Variants in WIPF3 observed in about 807,000 individuals in gnomAD.
WIPF3 encodes the protein WAS/WASL interacting protein family member 3.
Under a neutral mutation model 38.9 loss-of-function variants are expected in WIPF3, and 33 were observed. The ratio of observed to expected loss-of-function variants is 0.85; its 90% confidence interval spans 0.64 to 1.14. The LOEUF (loss-of-function observed/expected upper bound fraction) is 1.14, where lower values mean the gene tolerates loss of function less well. Ranked by LOEUF, WIPF3 falls within the 50% of genes most tolerant of loss-of-function variation. The pLI is 0.00. For missense variants in WIPF3, 711 were observed against 652.5 expected (o/e 1.09, Z -0.98); for synonymous variants, 324 against 269.3 (o/e 1.20, Z -1.99).
At chr7:29,855,043 G>A (rs920360980) in intron 2 of WIPF3, among the ~76,000 whole-genome samples, 4 of 152,212 alleles carry the variant, frequency 2.6e-5, no homozygotes, top group African/African-American at 9.7e-5. Flanking sequence ...AATGCACAAT[G>A]TCTTTCTTAG....
At chr7:29,913,717 T>C (rs556202151) in intron 8 of WIPF3, among the ~76,000 whole-genome samples, 3 of 152,250 alleles carry the variant, frequency 2.0e-5, no homozygotes, top group Non-Finnish European at 2.9e-5. Flanking sequence ...AACTTGCCCA[T>C]GTCACAATGC....
chr7:29,810,547 TTG>T (rs1784356676), intron 1 of WIPF3, among the ~76,000 whole-genome samples: 1 of 152,334 alleles, frequency 6.6e-6, no homozygotes, highest in East Asian at 1.9e-4. Context: ...CAATTATTTG[TTG>T]TGTTTTATCT....
chr7:29,899,113 C>G (rs1351428976), intron 7 of WIPF3, among the ~76,000 whole-genome samples: 5 of 152,200 alleles, frequency 3.3e-5, no homozygotes, highest in Non-Finnish European at 5.9e-5. Context: ...TGGTGCCACA[C>G]AAGCTTCCTG....
chr7:29,812,683 A>G (rs1453929604), intron 1 of WIPF3, among the ~76,000 whole-genome samples: 1 of 152,210 alleles, frequency 6.6e-6, no homozygotes, highest in East Asian at 1.9e-4. Flanking sequence ...AAATATTTTT[A>G]GCTGGGTAAA....
rs574445444 is a variant in WIPF3, at chr7:29,906,987, T to C, written c.1428+2625T>C. ...CAGATAAACAAAAGCTGAGGGAGTTTGTTACCACTAGACCTGCCCTGCAAG... is the reference window on the plus strand; with the variant it reads ...CAGATAAACAAAAGCTGAGGGAGTTCGTTACCACTAGACCTGCCCTGCAAG... On this transcript the variant is annotated intron_variant, in intron 8 of 8. Coordinates refer to ENST00000242140, the MANE Select transcript of WIPF3 (RefSeq NM_001080529.3). 2.0e-4 allele frequency among the ~76,000 whole-genome samples: 30 copies of C among 152,330 alleles called. 1 individual carries two copies. Among genetic ancestry groups the C allele is most frequent in the South Asian group, 1.0e-3 (5 of 4,828 alleles).
intron 2 of WIPF3, among the ~76,000 whole-genome samples, chr7:29,859,498 T>G (rs753313580): frequency 1.1e-4 from 17 of 152,308 alleles, no homozygotes; most frequent in Middle Eastern, 3.4e-3. Flanking sequence ...TTCTTTGTTT[T>G]GTTTTGTTTT....
chr7:29,839,748 G>A (rs1343221332), intron 2 of WIPF3, among the ~76,000 whole-genome samples: 1 of 152,212 alleles, frequency 6.6e-6, no homozygotes, highest in Non-Finnish European at 1.5e-5. Flanking sequence ...TGTGACACAT[G>A]AAAAGTATAC....
chr7:29,874,643 C>G (rs1785555481), intron 2 of WIPF3, among the ~76,000 whole-genome samples: 1 of 152,168 alleles, frequency 6.6e-6, no homozygotes, highest in South Asian at 2.1e-4. Flanking sequence ...AACCTTATAA[C>G]TGTGGAGAAT....
intron 2 of WIPF3, among the ~76,000 whole-genome samples, chr7:29,837,689 A>G (rs1415744856): frequency 6.6e-6 from 1 of 152,172 alleles, no homozygotes; most frequent in Non-Finnish European, 1.5e-5. Context: ...TAATGTGTAC[A>G]CTTACAATAC....
intron 2 of WIPF3, among the ~76,000 whole-genome samples, chr7:29,851,158 G>A (rs563729372): frequency 2.9e-4 from 44 of 152,182 alleles, no homozygotes; most frequent in African/African-American, 1.0e-3. Context: ...CGACCTTGCC[G>A]GCCATGTCAC....
chr7:29,895,840 C>T lies in WIPF3; in HGVS notation c.1351+6433C>T, dbSNP rs185710683. Reference sequence around the variant, plus strand: ...AAGGGATCTGCCCCCATGACTCAGACACCTCACACCAGGCCCCACCTCTAA... The same window carrying T: ...AAGGGATCTGCCCCCATGACTCAGATACCTCACACCAGGCCCCACCTCTAA... On this transcript the variant is annotated intron_variant, in intron 7 of 8. Transcript: ENST00000242140. Among the ~76,000 whole-genome samples the T allele has an allele frequency of 5.0e-3, 769 of 152,306 alleles. 6 individuals are homozygous for T. The highest frequency in any genetic ancestry group is 0.017 in the African/African-American group (722 of 41,564).
Position 29,806,547 on chromosome 7 carries a change from G to A in WIPF3, c.-189G>A, listed in dbSNP as rs553915510. On this transcript the variant is annotated 5_prime_UTR_variant, in exon 1 of 9. Coordinates refer to ENST00000242140, the MANE Select transcript of WIPF3 (RefSeq NM_001080529.3). The stretch of plus-strand genomic sequence containing the variant: ...CCGGGGAGCGAGCCGGGCGCACCGA[G>A]CGCAGCTCGGCGGTAGCGGCGCCGC... 6.6e-6 allele frequency: 1 copy of A among 151,282 alleles called. No homozygotes were observed. The highest frequency in any genetic ancestry group is 2.4e-5 in the African/African-American group (1 of 41,336). 9.4% of individuals were successfully genotyped at this position (151,282 alleles called of 1,614,324 possible). A position where few individuals can be genotyped will look rare whatever the true frequency, so the allele number is the denominator to read the frequency against.
intron 6 of WIPF3, among the ~76,000 whole-genome samples, chr7:29,888,504 T>TGC (rs201848708): frequency 0.23 from 34,010 of 145,414 alleles, 4,157 homozygotes; most frequent in African/African-American, 0.3. Context: ...CGTGTGCGTG[T>TGC]GTGTGCGTGT....
chr7:29,867,309 G>T lies in WIPF3; in HGVS notation c.91-8521G>T, dbSNP rs544795921. Among the ~76,000 whole-genome samples the T allele has an allele frequency of 1.1e-3, 163 of 152,310 alleles. 1 individual carries two copies. Among genetic ancestry groups the T allele is most frequent in the Non-Finnish European group, 2.0e-3 (133 of 68,030 alleles). On this transcript the variant is annotated intron_variant, in intron 2 of 8. Coordinates refer to ENST00000242140, the MANE Select transcript of WIPF3 (RefSeq NM_001080529.3). Reference sequence around the variant, plus strand: ...TAGGGACCTTTGAGGTTTCGAGCCTGGATGAATGGGGAGAAGCCCTTAACA... The same window carrying T: ...TAGGGACCTTTGAGGTTTCGAGCCTTGATGAATGGGGAGAAGCCCTTAACA...
At chr7:29,852,773 T>C (rs1006236002) in intron 2 of WIPF3, among the ~76,000 whole-genome samples, 2 of 152,204 alleles carry the variant, frequency 1.3e-5, no homozygotes, top group Non-Finnish European at 2.9e-5. Flanking sequence ...TGGTGATGGC[T>C]GAGTTTCAGG....
intron 7 of WIPF3, among the ~76,000 whole-genome samples, chr7:29,897,343 T>C (rs1786167786): frequency 6.6e-6 from 1 of 152,232 alleles, no homozygotes; most frequent in Non-Finnish European, 1.5e-5. Flanking sequence ...GTAGAATTGC[T>C]GGATCGTATG....
intron 2 of WIPF3, among the ~76,000 whole-genome samples, chr7:29,864,968 T>C (rs1288696111): frequency 6.6e-6 from 1 of 152,236 alleles, no homozygotes; most frequent in Non-Finnish European, 1.5e-5. Flanking sequence ...TGGAGTCTGC[T>C]GAAAATTATT....
At chr7:29,897,271 T>G (rs1405263164) in intron 7 of WIPF3, among the ~76,000 whole-genome samples, 1 of 152,230 alleles carries the variant, frequency 6.6e-6, no homozygotes, top group Non-Finnish European at 1.5e-5. Flanking sequence ...TCTTAACTTC[T>G]GTGAATGCTC....
intron 7 of WIPF3, among the ~76,000 whole-genome samples, chr7:29,902,268 C>T (rs71532970): frequency 0.44 from 50,425 of 113,418 alleles, 12,526 homozygotes; most frequent in East Asian, 0.76. Context: ...TCTTCTTCTT[C>T]TTCTTCTTTT....
Sources: gnomAD v4.1 joint callset for allele counts (sites outside exome capture counted in the v4.1 genomes callset) on GRCh38, gnomAD v4.1.1 for gene constraint, MANE v1.5 for transcripts, NCBI Gene and HGNC (gene_info 2026-07-23, HGNC 2026-07-21) for gene names.